Variants in BPIFB1 observed in about 807,000 individuals in gnomAD.
The protein encoded by BPIFB1 is BPI fold containing family B member 1, also known as BPI fold-containing family B member 1.
A neutral mutation model predicts 55.1 loss-of-function variants in BPIFB1; 34 were observed. The observed-to-expected ratio is 0.62, with a 90% CI of 0.47 to 0.82. The LOEUF is 0.82. Among genes scored for constraint, BPIFB1 ranks in the 40% least tolerant of loss-of-function variants. The probability of loss-of-function intolerance (pLI) is 0.00; values close to 1 mark genes in which losing one functional copy is unlikely to be tolerated. For synonymous variants in BPIFB1, 236 were observed against 245.3 expected (o/e 0.96, Z 0.35); for missense variants, 532 against 593.1 (o/e 0.90, Z 1.07).
intron 14 of BPIFB1, chr20:33,306,637 G>C (rs1981035384): frequency 2.1e-6 from 1 of 473,022 alleles, no homozygotes; most frequent in African/African-American, 1.9e-5. Context: ...AACCTCTGCT[G>C]GGGATAATGG....
chr20:33,292,450 A>T (rs774675121), intron 6 of BPIFB1, among the ~76,000 whole-genome samples: 14 of 152,344 alleles, frequency 9.2e-5, no homozygotes, highest in Middle Eastern at 6.8e-3. Context: ...ATAGTAGTAA[A>T]ATACAGCAAA....
intron 7 of BPIFB1, among the ~76,000 whole-genome samples, chr20:33,298,468 A>C (rs909981749): frequency 6.6e-6 from 1 of 152,222 alleles, no homozygotes; most frequent in Non-Finnish European, 1.5e-5. Context: ...GCTCATTCCA[A>C]GGGCGACCAG....
Position 33,302,977 on chromosome 20 carries a change from T to G in BPIFB1, c.1043T>G (p.Phe348Cys). 7 of 1,614,072 alleles carry G rather than the reference T, an allele frequency of 4.3e-6. No homozygotes were observed. Among genetic ancestry groups the G allele is most frequent in the Non-Finnish European group, 5.9e-6 (7 of 1,180,000 alleles). Residue 348 changes from phenylalanine to cysteine, a missense_variant, in exon 11 of 16, where the codon TTT becomes TGT. Transcript: ENST00000253354. ...VKILTQDTPE[F>C]FIDQGHAKVA... ...ATCCTAACTCAGGACACTCCCGAGT[T>G]TTTTATAGACCAAGGCCATGCCAAG... is the stretch of plus-strand genomic sequence containing the variant.
chr20:33,309,565 C>G lies in BPIFB1; in HGVS notation c.1396-143C>G. On this transcript the variant is annotated intron_variant, in intron 15 of 15. Coordinates refer to ENST00000253354, the MANE Select transcript of BPIFB1 (RefSeq NM_033197.3). The surrounding 1 kb of genome is among the most constrained non-coding windows in gnomAD (Gnocchi z 4.4). ...TTCACACACAGACCCTCCACCCCGACCCTTCTAAGAATTCTGTATTTGTGG... is the reference window on the plus strand; with the variant it reads ...TTCACACACAGACCCTCCACCCCGAGCCTTCTAAGAATTCTGTATTTGTGG... 1.4e-6 allele frequency: 1 copy of G among 721,564 alleles called. No homozygotes were observed. The highest frequency in any genetic ancestry group is 2.4e-6 in the Non-Finnish European group (1 of 419,884). 44.7% of individuals were successfully genotyped at this position (721,564 alleles called of 1,614,324 possible).
At position 33,306,671 on chromosome 20, in the gene BPIFB1, A is replaced by G; in HGVS notation, c.1319-240A>G. On this transcript the variant is annotated intron_variant, in intron 14 of 15. Transcript: ENST00000253354. Reference sequence around the variant, plus strand: ...GGGAGCCCCTGATGGTTCTTGAGCAAGAGCGTAAGAGAATGTGAGGACTGC... The same window carrying G: ...GGGAGCCCCTGATGGTTCTTGAGCAGGAGCGTAAGAGAATGTGAGGACTGC... 1.1e-5 allele frequency: 6 copies of G among 528,988 alleles called. No homozygotes were observed. In the South Asian group the frequency reaches 1.2e-4, roughly 11 times the overall value. 32.8% of individuals were successfully genotyped at this position (528,988 alleles called of 1,614,324 possible). A position where few individuals can be genotyped will look rare whatever the true frequency, so the allele number is the denominator to read the frequency against.
chr20:33,308,793 TACAC>T (rs904720136), intron 15 of BPIFB1, among the ~76,000 whole-genome samples: 2 of 131,428 alleles, frequency 1.5e-5, no homozygotes, highest in East Asian at 2.3e-4. Context: ...ACACACATAA[TACAC>T]ACACCACACA....
At chr20:33,302,704 G>C in intron 10 of BPIFB1, 1 of 649,716 alleles carries the variant, frequency 1.5e-6, no homozygotes, top group Non-Finnish European at 2.6e-6. Flanking sequence ...TCCCTGAAGG[G>C]AAGGGCATTC....
At position 33,295,205 on chromosome 20, in the gene BPIFB1, ACT is replaced by A. The variant is rs528606678; in HGVS notation, c.598-2317_598-2316del. 9.4e-5 allele frequency among the ~76,000 whole-genome samples: 14 copies of A among 148,916 alleles called. No individual in the cohort carries two copies. In the East Asian group the frequency reaches 2.7e-3, roughly 29 times the overall value. ...ACTCCAGCCTGGGCGACAGAGAGAAACTCTATCTCAAAAAAAAAAAAATTAAA... is the reference window on the plus strand; with the variant it reads ...ACTCCAGCCTGGGCGACAGAGAGAAACTATCTCAAAAAAAAAAAAATTAAA... On this transcript the variant is annotated intron_variant, in intron 6 of 15. Transcript: ENST00000253354.
chr20:33,297,705 A>T, intron 7 of BPIFB1, 117 bp downstream of exon 7: 1 of 1,057,374 alleles, frequency 9.5e-7, no homozygotes, highest in Non-Finnish European at 1.5e-6. Context: ...TCAGGCCCAG[A>T]AGCAGGTGAG....
At chr20:33,300,073 G>A (rs1476070737) in intron 8 of BPIFB1, 89 bp downstream of exon 8, 1 of 1,177,636 alleles carries the variant, frequency 8.5e-7, no homozygotes, top group African/African-American at 1.5e-5. Flanking sequence ...CCTGTGTTAG[G>A]AGAGAAAATC....
In BPIFB1 at chr20:33,291,916, C is replaced by T. The variant is rs770590154; in HGVS notation, c.525C>T (p.Phe175=). 3 of 1,614,068 alleles carry T rather than the reference C, an allele frequency of 1.9e-6. No homozygotes were observed. The East Asian group carries it at 6.7e-5, about 36-fold the overall frequency. Residue 175 remains phenylalanine, a synonymous_variant, in exon 6 of 16, where the codon TTC becomes TTT. Transcript: ENST00000253354. ...CTCTCTTCCCTGAAAGGCTCTCCTT[C>T]CTGGTGAACGCCTTAGCTAAGCAGG... ...LRIQLLHKLS[F]LVNALAKQVM...
chr20:33,305,971 A>G, intron 13 of BPIFB1, 31 bp from the exon 14 acceptor site: 1 of 1,612,278 alleles, frequency 6.2e-7, no homozygotes, highest in Middle Eastern at 1.7e-4. Context: ...ATGCTCAACC[A>G]GGGTGACAGT....
chr20:33,297,376 C>T (rs530094104), intron 6 of BPIFB1, 149 bp from the exon 7 acceptor site: 20 of 790,248 alleles, frequency 2.5e-5, no homozygotes, highest in Middle Eastern at 3.8e-4. Context: ...GTTCAACACA[C>T]GAATGAATCC....
Position 33,286,014 on chromosome 20 carries a change from C to T in BPIFB1, c.-41-19C>T. 1 of 1,532,174 alleles carries T rather than the reference C, an allele frequency of 6.5e-7. No homozygotes were observed. Among genetic ancestry groups the T allele is most frequent in the Non-Finnish European group, 9.0e-7 (1 of 1,107,916 alleles). 94.9% of individuals were successfully genotyped at this position (1,532,174 alleles called of 1,614,324 possible). A position where few individuals can be genotyped will look rare whatever the true frequency, so the allele number is the denominator to read the frequency against. ...TGCCCTTGGCCCCTCTGCCTCAGGT[C>T]CCTCTGTGCTCACCCCAGGTCTGGC... On this transcript the variant is annotated intron_variant, in intron 1 of 15. Coordinates refer to ENST00000253354, the MANE Select transcript of BPIFB1 (RefSeq NM_033197.3).
At position 33,289,869 on chromosome 20, in the gene BPIFB1, C is replaced by A; in HGVS notation, c.258-16C>A. 1.2e-6 allele frequency: 2 copies of A among 1,610,416 alleles called. No homozygotes were observed. The highest frequency in any genetic ancestry group is 1.7e-6 in the Non-Finnish European group (2 of 1,176,600). On this transcript the variant is annotated splice_polypyrimidine_tract_variant and intron_variant, in intron 3 of 15. Transcript: ENST00000253354. ...AGCCGGAGGCATGATTCTGATCTCT[C>A]CTAAACCCCATCCAGGCTGAAGGTC...
At chr20:33,299,521 T>A (rs1980776398) in intron 7 of BPIFB1, among the ~76,000 whole-genome samples, 1 of 152,162 alleles carries the variant, frequency 6.6e-6, no homozygotes, top group Admixed American at 6.5e-5. Context: ...CATACAATAG[T>A]TCAGTTCCGT....
chr20:33,291,034 G>A lies in BPIFB1; in HGVS notation c.443G>A (p.Ser148Asn), dbSNP rs768336983. ...ACCATCCGCATGGACACCAGTGCAAGTGGCCCCACCCGCCTGGTCCTCAGT... is the reference window on the plus strand; with the variant it reads ...ACCATCCGCATGGACACCAGTGCAAATGGCCCCACCCGCCTGGTCCTCAGT... ...QATIRMDTSA[S>N]GPTRLVLSDC... The change falls in exon 5 of 16, where the codon AGT (serine) becomes AAT (asparagine). Residue 148 changes from serine to asparagine, a missense_variant. Physicochemically the swap from Ser to Asn is conservative, Grantham distance 46. Transcript: ENST00000253354. The A allele has an allele frequency of 1.9e-6, 3 of 1,613,886 alleles. No homozygotes were observed. In the South Asian group the frequency reaches 3.3e-5, roughly 18 times the overall value.
intron 15 of BPIFB1, 56 bp downstream of exon 15, chr20:33,307,043 C>G: frequency 6.5e-7 from 1 of 1,536,602 alleles, no homozygotes; most frequent in Non-Finnish European, 9.0e-7. Flanking sequence ...CCACTGAGAG[C>G]CCTGGCTGGG....
At chr20:33,302,448 T>TG in intron 10 of BPIFB1, 36 bp downstream of exon 10, 1 of 1,612,056 alleles carries the variant, frequency 6.2e-7, no homozygotes. Context: ...TGAGGGGTGT[T>TG]TGCTGTGGTC....
Sources: gnomAD v4.1 joint callset for allele counts (sites outside exome capture counted in the v4.1 genomes callset) on GRCh38, gnomAD v4.1.1 for gene constraint, Gnocchi (gnomAD v3.1) non-coding constraint, MANE v1.5 for transcripts, NCBI Gene and HGNC (gene_info 2026-07-23, HGNC 2026-07-21) for gene names.